KIF1A: variants seen among roughly 807,000 people sequenced by gnomAD.
The protein encoded by KIF1A is kinesin-like protein KIF1A.
Under a neutral mutation model 227.3 loss-of-function variants are expected in KIF1A, and 46 were observed. The observed-to-expected ratio is 0.20, with a 90% CI of 0.16 to 0.26. The LOEUF is 0.26. Ranked by LOEUF, KIF1A falls within the 10% of genes least tolerant of loss-of-function variation. The probability of loss-of-function intolerance (pLI) is 1.00; values close to 1 mark genes in which losing one functional copy is unlikely to be tolerated. For synonymous variants in KIF1A, 1,022 were observed against 1,012.8 expected, an observed-to-expected ratio of 1.01 and a Z score of -0.17; for missense variants, 1,683 against 2,485.9, an observed-to-expected ratio of 0.68 and a Z score of 6.87.
upstream of KIF1A, among the ~76,000 whole-genome samples, chr2:240,820,774 G>C (rs560278286): frequency 6.6e-6 from 1 of 152,004 alleles, no homozygotes; most frequent in Non-Finnish European, 1.5e-5. This position sits in a 1 kb window ranked among gnomAD's most constrained non-coding sequence, Gnocchi z 6.2. Context: ...CCGGGGCGCC[G>C]GGGGAAGAGC....
In KIF1A at chr2:240,760,718, C is replaced by T. The variant is rs1575586921; in HGVS notation, c.2391G>A (p.Glu797=). ...TGGCCCCGTTCTTCTGGTCCTGGAC[C>T]TCCACGGCCACAATGGTGCGGGGGA... is the stretch of plus-strand genomic sequence containing the variant. ...RPFPRTIVAV[E]VQDQKNGATH... The change falls in exon 25 of 49, where the codon GAG becomes GAA. Residue 797 remains glutamate, a synonymous_variant. Coordinates refer to ENST00000498729, the MANE Select transcript of KIF1A (RefSeq NM_001244008.2). 2 of 1,586,978 alleles carry T rather than the reference C, an allele frequency of 1.3e-6. No homozygotes were observed. Among genetic ancestry groups the T allele is most frequent in the Non-Finnish European group, 1.7e-6 (2 of 1,166,106 alleles).
Position 240,766,906 on chromosome 2 carries a change from T to A in KIF1A, c.1684+9A>T. 1.3e-6 allele frequency: 2 copies of A among 1,587,342 alleles called. No homozygotes were observed. Among genetic ancestry groups the A allele is most frequent in the East Asian group, 4.5e-5 (2 of 44,144 alleles). ...ATGGGTGCGGGTAGGGACGGTAGGGTGGTGATACCTTCGCTGCCTCCCCTG... is the reference window on the plus strand; with the variant it reads ...ATGGGTGCGGGTAGGGACGGTAGGGAGGTGATACCTTCGCTGCCTCCCCTG... On this transcript the variant is annotated intron_variant, in intron 19 of 48. Coordinates refer to ENST00000498729, the MANE Select transcript of KIF1A (RefSeq NM_001244008.2). This position sits in a 1 kb window ranked among gnomAD's most constrained non-coding sequence, Gnocchi z 5.0.
At chr2:240,744,165 AC>A in intron 32 of KIF1A, 105 bp from the exon 33 acceptor site, 1 of 801,804 alleles carries the variant, frequency 1.2e-6, no homozygotes, top group Non-Finnish European at 2.1e-6. Flanking sequence ...CAGATCTGGG[AC>A]CCCTAGCTGG....
chr2:240,763,449 C>T (rs915533697), intron 20 of KIF1A, 103 bp from the exon 21 acceptor site: 8 of 1,057,320 alleles, frequency 7.6e-6, no homozygotes, highest in Admixed American at 5.9e-5. Flanking sequence ...GGTGCAGGCA[C>T]CCCACCATCC....
intron 34 of KIF1A, 34 bp from the exon 35 acceptor site, chr2:240,741,411 G>C: frequency 1.4e-6 from 2 of 1,465,706 alleles, no homozygotes; most frequent in Non-Finnish European, 1.8e-6. Context: ...GCATGGATGG[G>C]AGACCTGACC....
intron 29 of KIF1A, 29 bp from the exon 30 acceptor site, chr2:240,746,206 G>C (rs560578747): frequency 1.7e-5 from 26 of 1,548,530 alleles, no homozygotes; most frequent in Non-Finnish European, 2.3e-5. Context: ...GAGTCAGAGA[G>C]AGCCAGGAGC....
intron 1 of KIF1A, among the ~76,000 whole-genome samples, chr2:240,807,545 T>C (rs540269087): frequency 6.6e-6 from 1 of 152,338 alleles, no homozygotes; most frequent in Non-Finnish European, 1.5e-5. Context: ...GTCCAGGTAA[T>C]AGTGACAAGG....
intron 46 of KIF1A, among the ~76,000 whole-genome samples, 177 bp downstream of exon 46, chr2:240,719,597 G>A (rs2045028391): frequency 6.6e-6 from 1 of 152,192 alleles, no homozygotes; most frequent in Non-Finnish European, 1.5e-5. Flanking sequence ...GCATGGAGCT[G>A]TCCCTCCATG....
chr2:240,746,687 C>T (rs547749337), intron 29 of KIF1A, among the ~76,000 whole-genome samples: 1 of 146,414 alleles, frequency 6.8e-6, no homozygotes, highest in African/African-American at 2.8e-5. Context: ...ACAGGAGCCA[C>T]CTGAGTGTGG....
Position 240,723,682 on chromosome 2 carries a change from C to T in KIF1A, c.4319-124G>A, listed in dbSNP as rs2241682. ...GGAGTGGAGATGGGCTTCCCCTGGTCCTTGGTCCACCCTGGGGCCCAAAGA... is the reference window on the plus strand; with the variant it reads ...GGAGTGGAGATGGGCTTCCCCTGGTTCTTGGTCCACCCTGGGGCCCAAAGA... On this transcript the variant is annotated intron_variant, in intron 41 of 48. Coordinates refer to ENST00000498729, the MANE Select transcript of KIF1A (RefSeq NM_001244008.2). 0.017 allele frequency: 19,864 copies of T among 1,172,736 alleles called. 2,579 individuals are homozygous for T. The East Asian group carries it at 0.34, about 20-fold the overall frequency. The allele number at this position is 1,172,736 out of a possible 1,614,324, so 72.6% of individuals were successfully genotyped here.
rs2055430552 is a variant in KIF1A, at chr2:240,789,780, T to C, written c.107-468A>G. Among the ~76,000 whole-genome samples, 1 of 152,116 alleles carries C rather than the reference T, an allele frequency of 6.6e-6. No homozygotes were observed. Among genetic ancestry groups the C allele is most frequent in the South Asian group, 2.1e-4 (1 of 4,820 alleles). On this transcript the variant is annotated intron_variant, in intron 2 of 48. Transcript: ENST00000498729. The surrounding 1 kb of genome is among the most constrained non-coding windows in gnomAD (Gnocchi z 4.8). ...GTCCATCACGTTTGTGTTACGCCTG[T>C]GCGGTTCTTCTAGGCTTGCTACTCC...
chr2:240,736,148 G>A lies in KIF1A; in HGVS notation c.4007+915C>T, dbSNP rs1304472968. 1.3e-5 allele frequency among the ~76,000 whole-genome samples: 2 copies of A among 152,124 alleles called. No homozygotes were observed. Among genetic ancestry groups the A allele is most frequent in the African/African-American group, 2.4e-5 (1 of 41,424 alleles). ...GACCCAAGTCAGAAGAATAGGAGAC[G>A]ACGCCCGCCAGGACCCTCCTTCCTT... On this transcript the variant is annotated intron_variant, in intron 38 of 48. Transcript: ENST00000498729. This position sits in a 1 kb window ranked among gnomAD's most constrained non-coding sequence, Gnocchi z 4.7.
At chr2:240,723,260 C>A (rs994081761) in intron 42 of KIF1A, among the ~76,000 whole-genome samples, 153 bp downstream of exon 42, 1 of 152,232 alleles carries the variant, frequency 6.6e-6, no homozygotes, top group Non-Finnish European at 1.5e-5. Context: ...CACACTGGAG[C>A]ATCACATGCT....
Position 240,717,810 on chromosome 2 carries a change from C to T in KIF1A, c.5333+240G>A, listed in dbSNP as rs371063097. On this transcript the variant is annotated intron_variant, in intron 48 of 48. Coordinates refer to ENST00000498729, the MANE Select transcript of KIF1A (RefSeq NM_001244008.2). Reference sequence around the variant, plus strand: ...CCAGCCCACATAAGTGAGGGCAGGCCGCGCTGCCTTCCACTGGCCGCACTG... The same window carrying T: ...CCAGCCCACATAAGTGAGGGCAGGCTGCGCTGCCTTCCACTGGCCGCACTG... 1.4e-3 allele frequency among the ~76,000 whole-genome samples: 217 copies of T among 152,360 alleles called. 2 individuals carry two copies. Among genetic ancestry groups the T allele is most frequent in the African/African-American group, 5.0e-3 (208 of 41,586 alleles).
At chr2:240,754,190 G>A (rs971125553) in intron 27 of KIF1A, among the ~76,000 whole-genome samples, 3 of 152,184 alleles carry the variant, frequency 2.0e-5, no homozygotes, top group African/African-American at 7.2e-5. Context: ...GTGGGGCCCC[G>A]AGGGACATCC....
chr2:240,771,127 T>G (rs1000869804), intron 14 of KIF1A, 23 bp from the exon 15 acceptor site: 3 of 1,613,150 alleles, frequency 1.9e-6, no homozygotes, highest in Admixed American at 1.7e-5. Flanking sequence ...GGTCAGGGGC[T>G]TCATTCACCG....
intron 14 of KIF1A, chr2:240,771,436 G>A: frequency 2.4e-6 from 1 of 415,354 alleles, no homozygotes; most frequent in Non-Finnish European, 4.5e-6. Context: ...CAGCAGCATG[G>A]CACAGACCTA....
At position 240,766,304 on chromosome 2, in the gene KIF1A, G is replaced by C. The variant is rs535554943; in HGVS notation, c.1685-511C>G. ...CCGGGAGATGCCCTTAGCCTGGGCT[G>C]TGGGCCATGTGACGGCACACTGACA... On this transcript the variant is annotated intron_variant, in intron 19 of 48. Coordinates refer to ENST00000498729, the MANE Select transcript of KIF1A (RefSeq NM_001244008.2). The surrounding 1 kb of genome is among the most constrained non-coding windows in gnomAD (Gnocchi z 5.0). Among the ~76,000 whole-genome samples, 1 of 152,354 alleles carries C rather than the reference G, an allele frequency of 6.6e-6. No homozygotes were observed. The highest frequency in any genetic ancestry group is 1.9e-4 in the East Asian group (1 of 5,182).
chr2:240,745,912 G>A lies in KIF1A; in HGVS notation c.3203-3C>T, dbSNP rs371669128. On this transcript the variant is annotated splice_region_variant and splice_polypyrimidine_tract_variant and intron_variant, in intron 30 of 48. Coordinates refer to ENST00000498729, the MANE Select transcript of KIF1A (RefSeq NM_001244008.2). ...GAGGAGGCCTTCTGGGGGCACTGCT[G>A]CTGGGAGTCAAGGAGAGAGTCATGG... 2.5e-6 allele frequency: 4 copies of A among 1,600,420 alleles called. No individual in the cohort carries two copies. Among genetic ancestry groups the A allele is most frequent in the Middle Eastern group, 1.7e-4 (1 of 6,026 alleles).
Sources: gnomAD v4.1 joint callset for allele counts (sites outside exome capture counted in the v4.1 genomes callset) on GRCh38, gnomAD v4.1.1 for gene constraint, Gnocchi (gnomAD v3.1) non-coding constraint, MANE v1.5 for transcripts, NCBI Gene and HGNC (gene_info 2026-07-23, HGNC 2026-07-21) for gene names.